APIP: variants seen among roughly 807,000 people sequenced by gnomAD.
APIP encodes the protein APAF1 interacting protein.
Under a neutral mutation model 32.0 loss-of-function variants are expected in APIP, and 32 were observed. That is an observed-to-expected ratio of 1.00 (90% CI 0.76 to 1.34). The LOEUF (loss-of-function observed/expected upper bound fraction) is 1.34. APIP is among the 40% of genes most tolerant of loss of function. The pLI is 0.00. For synonymous variants in APIP, 92 were observed against 94.8 expected, an observed-to-expected ratio of 0.97 and a Z score of 0.17; for missense variants, 247 against 298.6, an observed-to-expected ratio of 0.83 and a Z score of 1.27.
intron 1 of APIP, among the ~76,000 whole-genome samples, chr11:34,900,348 C>T (rs1853354417): frequency 6.6e-6 from 1 of 151,310 alleles, no homozygotes; most frequent in Non-Finnish European, 1.5e-5. Context: ...CCATCAGCTC[C>T]TCTAGCTCCA....
chr11:34,886,360 A>G (rs1853071083), intron 5 of APIP, among the ~76,000 whole-genome samples: 1 of 152,086 alleles, frequency 6.6e-6, no homozygotes, highest in Non-Finnish European at 1.5e-5. Flanking sequence ...AAGCTTATAG[A>G]ATAAAGATAT....
chr11:34,883,464 G>A lies in APIP; in HGVS notation c.502C>T (p.Pro168Ser), dbSNP rs370894512. The A allele has an allele frequency of 1.9e-6, 3 of 1,613,788 alleles. No homozygotes were observed. The highest frequency in any genetic ancestry group is 2.7e-5 in the African/African-American group (2 of 74,840). Reference protein sequence around the residue: ...MLVVPIIENTPEEKDLKDRMA... With the variant: ...MLVVPIIENTSEEKDLKDRMA... ...CTATCTTTGAGGTCTTTCTCCTCAG[G>A]TGTATTCTCAATAATGGGTACCACT... The change falls in exon 6 of 7, where the codon CCT (proline) becomes TCT (serine). Residue 168 changes from proline (P) to serine (S), a missense_variant. Coordinates refer to ENST00000395787, the MANE Select transcript of APIP (RefSeq NM_015957.4).
chr11:34,886,239 G>A (rs1451198976), intron 5 of APIP, among the ~76,000 whole-genome samples: 1 of 151,846 alleles, frequency 6.6e-6, no homozygotes, highest in African/African-American at 2.4e-5. Flanking sequence ...GAGGTGGAAG[G>A]CAGTGATATT....
At chr11:34,892,346 A>G (rs1173036219) in intron 2 of APIP, among the ~76,000 whole-genome samples, 2 of 152,154 alleles carry the variant, frequency 1.3e-5, no homozygotes, top group African/African-American at 4.8e-5. Flanking sequence ...GTACTCCTGC[A>G]TTTTCACTGT....
intron 1 of APIP, among the ~76,000 whole-genome samples, chr11:34,906,388 A>G (rs977815179): frequency 6.6e-6 from 1 of 152,228 alleles, no homozygotes; most frequent in Non-Finnish European, 1.5e-5. Flanking sequence ...AGGGAGATTT[A>G]ACTGAAAGAG....
intron 1 of APIP, among the ~76,000 whole-genome samples, chr11:34,907,956 C>A (rs1853484505): frequency 6.6e-6 from 1 of 151,994 alleles, no homozygotes; most frequent in Non-Finnish European, 1.5e-5. Context: ...TAATCCCCTC[C>A]CCCATCTTTT....
At position 34,916,263 on chromosome 11, in the gene APIP, C is replaced by T. The variant is rs747005576; in HGVS notation, c.22G>A (p.Glu8Lys). 4 of 1,612,582 alleles carry T rather than the reference C, an allele frequency of 2.5e-6. No individual in the cohort carries two copies. Among genetic ancestry groups the T allele is most frequent in the Admixed American group, 1.7e-5 (1 of 59,956 alleles). Residue 8 changes from glutamate (E) to lysine (K), a missense_variant, in exon 1 of 7, where the codon GAG (glutamate) becomes AAG (lysine). By Grantham distance (56) the Glu-to-Lys change is moderately conservative (BLOSUM62 1). Transcript: ENST00000395787. ...CATCTCCGGGAACAACAGTCTCCCTCCCGAGCATCACAGCCAGACATGGCC... is the reference window on the plus strand; with the variant it reads ...CATCTCCGGGAACAACAGTCTCCCTTCCGAGCATCACAGCCAGACATGGCC... The part of the protein sequence containing the change: MSGCDAR[E>K]GDCCSRRCGA...
At chr11:34,914,097 C>T (rs972295779) in intron 1 of APIP, among the ~76,000 whole-genome samples, 1 of 152,176 alleles carries the variant, frequency 6.6e-6, no homozygotes. Flanking sequence ...CTTTAGGCCT[C>T]AGTAGATACT....
At chr11:34,916,163 A>T in intron 1 of APIP, 65 bp downstream of exon 1, 1 of 1,562,694 alleles carries the variant, frequency 6.4e-7, no homozygotes, top group Non-Finnish European at 8.7e-7. Context: ...GCCCAGCTCC[A>T]GCCGCCGGGT....
chr11:34,890,218 G>A (rs186243938), intron 3 of APIP, among the ~76,000 whole-genome samples: 6 of 152,208 alleles, frequency 3.9e-5, no homozygotes, highest in South Asian at 2.1e-4. Flanking sequence ...GATAAAGATC[G>A]TAGTGTTATA....
chr11:34,910,939 G>A (rs572054042), intron 1 of APIP, among the ~76,000 whole-genome samples: 17 of 152,244 alleles, frequency 1.1e-4, no homozygotes, highest in African/African-American at 3.6e-4. Context: ...TTGTGATTTT[G>A]GAGGCAAGGT....
In APIP at chr11:34,888,441, G is replaced by T. The variant is rs1853120658; in HGVS notation, c.326-13C>A. The stretch of plus-strand genomic sequence containing the variant: ...ACTGCACCTGCTCCTGAAGGAGGAA[G>T]AAGAAAGCCGCATGCTCAATGAAGA... On this transcript the variant is annotated splice_polypyrimidine_tract_variant and intron_variant, in intron 4 of 6. Transcript: ENST00000395787. 1 of 1,602,820 alleles carries T rather than the reference G, an allele frequency of 6.2e-7. No homozygotes were observed. Among genetic ancestry groups the T allele is most frequent in the Non-Finnish European group, 8.5e-7 (1 of 1,176,680 alleles).
chr11:34,883,524 A>AT lies in APIP; in HGVS notation c.462-21dup, dbSNP rs753101132. 1.0e-5 allele frequency: 16 copies of AT among 1,607,164 alleles called. No homozygotes were observed. Among genetic ancestry groups the AT allele is most frequent in the Admixed American group, 1.7e-5 (1 of 58,942 alleles). On this transcript the variant is annotated intron_variant, in intron 5 of 6. Coordinates refer to ENST00000395787, the MANE Select transcript of APIP (RefSeq NM_015957.4). ...TCATATCTGTAAGACAAAACAAGCC[A>AT]TTTTTTTCCATTAAAACAAATCAAG...
intron 1 of APIP, among the ~76,000 whole-genome samples, chr11:34,915,182 A>G (rs1853648169): frequency 6.6e-6 from 1 of 152,074 alleles, no homozygotes; most frequent in Non-Finnish European, 1.5e-5. Flanking sequence ...CATTACACTA[A>G]GATTTACTGA....
rs1853006623 is a variant in APIP, at chr11:34,883,495, A to G, written c.471T>C (p.Asp157=). ...TCTCAATAATGGGTACCACTAACAT[A>G]TCATCATATCTGTAAGACAAAACAA... The part of the protein sequence containing the change: ...CTSGGYYRYD[D]MLVVPIIENT... The change falls in exon 6 of 7, where the codon GAT becomes GAC. Residue 157 remains aspartate (D), a synonymous_variant. Transcript: ENST00000395787. 1.2e-6 allele frequency: 2 copies of G among 1,613,274 alleles called. No individual in the cohort carries two copies. Among genetic ancestry groups the G allele is most frequent in the South Asian group, 1.1e-5 (1 of 90,944 alleles).
rs1648090170 is a variant in APIP at position 34,904,266 on chromosome 11, C to A, written c.58-9156G>T. 2.0e-5 allele frequency among the ~76,000 whole-genome samples: 3 copies of A among 152,216 alleles called. No homozygotes were observed. In the South Asian group the frequency reaches 6.2e-4, roughly 32 times the overall value. The stretch of plus-strand genomic sequence containing the variant: ...GTCTACCGAAGTACCTTCAAAGTGA[C>A]AATGGGCCCTTGTTTAAGGCAGCTG... On this transcript the variant is annotated intron_variant, in intron 1 of 6. Transcript: ENST00000395787.
At position 34,910,540 on chromosome 11, in the gene APIP, G is replaced by A. The variant is rs142559886; in HGVS notation, c.57+5688C>T. Among the ~76,000 whole-genome samples the A allele has an allele frequency of 1.3e-3, 191 of 152,258 alleles. 2 individuals carry two copies. The highest frequency in any genetic ancestry group is 4.4e-3 in the African/African-American group (181 of 41,540). On this transcript the variant is annotated intron_variant, in intron 1 of 6. Coordinates refer to ENST00000395787, the MANE Select transcript of APIP (RefSeq NM_015957.4). ...GAGGTCTAAGAGGTCAGCCTTTGTC[G>A]AGATAGAGAAGCTGGCATTAGAAAA...
intron 1 of APIP, among the ~76,000 whole-genome samples, chr11:34,901,300 T>C (rs547219795): frequency 6.6e-5 from 10 of 151,586 alleles, no homozygotes; most frequent in Admixed American, 1.3e-4. Context: ...CTGTCCAGCC[T>C]GTGGCGGAGA....
intron 1 of APIP, among the ~76,000 whole-genome samples, chr11:34,913,588 C>T (rs956420524): frequency 6.6e-6 from 1 of 152,170 alleles, no homozygotes; most frequent in Non-Finnish European, 1.5e-5. Context: ...GGGAGTGTTA[C>T]AGCTCATAAA....
Sources: gnomAD v4.1 joint callset for allele counts (sites outside exome capture counted in the v4.1 genomes callset) on GRCh38, gnomAD v4.1.1 for gene constraint, MANE v1.5 for transcripts, NCBI Gene and HGNC (gene_info 2026-07-23, HGNC 2026-07-21) for gene names.